Variants in CACNA2D3 observed in about 807,000 individuals in gnomAD.
CACNA2D3 encodes calcium voltage-gated channel auxiliary subunit alpha2delta 3.
CACNA2D3 carries 60 observed loss-of-function variants against 160.6 expected under a neutral mutation model. That is an observed-to-expected ratio of 0.37 (90% CI 0.30 to 0.46). The LOEUF is 0.46. Ranked by LOEUF, CACNA2D3 falls within the 20% of genes least tolerant of loss-of-function variation. CACNA2D3 has a pLI of 1.00. For missense variants in CACNA2D3, 1,205 were observed against 1,365.0 expected, an observed-to-expected ratio of 0.88 and a Z score of 1.85; for synonymous variants, 558 against 492.9, an observed-to-expected ratio of 1.13 and a Z score of -1.75.
chr3:54,672,957 G>A (rs756409454), intron 11 of CACNA2D3, among the ~76,000 whole-genome samples: 2 of 152,212 alleles, frequency 1.3e-5, no homozygotes, highest in African/African-American at 4.8e-5. Context: ...GTCCAAACAC[G>A]TGGAAGCCAG....
chr3:54,647,058 A>G (rs1370331470), intron 11 of CACNA2D3, among the ~76,000 whole-genome samples: 1 of 152,194 alleles, frequency 6.6e-6, no homozygotes, highest in African/African-American at 2.4e-5. Flanking sequence ...GCAAAAAGAA[A>G]TGAATTCTGC....
At chr3:54,303,350 G>A (rs888960175) in intron 2 of CACNA2D3, among the ~76,000 whole-genome samples, 6 of 152,242 alleles carry the variant, frequency 3.9e-5, no homozygotes, top group Admixed American at 1.3e-4. Context: ...TGTTGAAAGC[G>A]AAAATTTTCT....
chr3:54,421,455 T>C (rs1020915743), intron 4 of CACNA2D3, among the ~76,000 whole-genome samples: 3 of 152,070 alleles, frequency 2.0e-5, no homozygotes, highest in African/African-American at 7.2e-5. Context: ...TCTTTCAGCT[T>C]AATAGACTAA....
intron 3 of CACNA2D3, among the ~76,000 whole-genome samples, chr3:54,351,215 C>T (rs749475248): frequency 4.0e-5 from 6 of 151,760 alleles, no homozygotes; most frequent in Non-Finnish European, 4.4e-5. Context: ...CTCCTGACCT[C>T]GAGTGATCTG....
At chr3:54,928,317 A>G (rs1296472463) in intron 27 of CACNA2D3, among the ~76,000 whole-genome samples, 1 of 152,192 alleles carries the variant, frequency 6.6e-6, no homozygotes, top group African/African-American at 2.4e-5. Context: ...ATCTGCTTGA[A>G]GTACAGGGCA....
intron 2 of CACNA2D3, among the ~76,000 whole-genome samples, chr3:54,194,710 A>G (rs1701047026): frequency 6.6e-6 from 1 of 152,254 alleles, no homozygotes; most frequent in South Asian, 2.1e-4. Flanking sequence ...TGCGTTCCTC[A>G]TAGATGGCAC....
At chr3:54,882,897 G>A (rs887221662) in intron 21 of CACNA2D3, among the ~76,000 whole-genome samples, 11 of 152,164 alleles carry the variant, frequency 7.2e-5, no homozygotes, top group Non-Finnish European at 1.3e-4. Flanking sequence ...TTACAAAGGC[G>A]GCAAATAGGT....
intron 3 of CACNA2D3, among the ~76,000 whole-genome samples, chr3:54,357,101 C>G (rs1248072202): frequency 6.6e-6 from 1 of 152,106 alleles, no homozygotes; most frequent in East Asian, 1.9e-4. Flanking sequence ...GTGATGTGAT[C>G]AAGGTTATTG....
chr3:54,860,875 G>T (rs1699276117), intron 17 of CACNA2D3, among the ~76,000 whole-genome samples: 1 of 152,212 alleles, frequency 6.6e-6, no homozygotes, highest in Non-Finnish European at 1.5e-5. Context: ...CCTACTACAT[G>T]AGACTGTGAT....
At position 54,570,011 on chromosome 3, in the gene CACNA2D3, C is replaced by T. The variant is rs1702468689; in HGVS notation, c.795C>T (p.Gly265=). The T allele has an allele frequency of 1.2e-6, 2 of 1,613,882 alleles. No individual in the cohort carries two copies. Among genetic ancestry groups the T allele is most frequent in the East Asian group, 2.2e-5 (1 of 44,896 alleles). ...KDVVILVDVS[G]SMKGLRLTIA... ...TGGTCATTTTAGTTGACGTCAGTGG[C>T]AGCATGAAAGGACTCCGTCTGACTA... Residue 265 remains glycine (G), a synonymous_variant, in exon 8 of 38, where the codon GGC becomes GGT. Transcript: ENST00000474759.
At chr3:54,454,931 C>T (rs1039492377) in intron 4 of CACNA2D3, among the ~76,000 whole-genome samples, 5 of 152,046 alleles carry the variant, frequency 3.3e-5, no homozygotes, top group Admixed American at 6.6e-5. Flanking sequence ...GAATTTCTTT[C>T]TTATTTAAGG....
At chr3:55,069,034 C>T (rs1460526487) in intron 35 of CACNA2D3, among the ~76,000 whole-genome samples, 1 of 152,084 alleles carries the variant, frequency 6.6e-6, no homozygotes, top group Non-Finnish European at 1.5e-5. Context: ...TAAATTTTTA[C>T]CCATGTCCTA....
chr3:54,474,633 A>G (rs143835088), intron 4 of CACNA2D3, among the ~76,000 whole-genome samples: 4 of 152,188 alleles, frequency 2.6e-5, no homozygotes, highest in Middle Eastern at 3.4e-3. Context: ...AGCTTCATTA[A>G]AAAAGGAAGA....
intron 4 of CACNA2D3, among the ~76,000 whole-genome samples, chr3:54,483,733 G>T (rs1339886732): frequency 2.0e-5 from 3 of 152,124 alleles, no homozygotes; most frequent in Non-Finnish European, 4.4e-5. Context: ...AACCCATAAG[G>T]AATGTCATTG....
intron 31 of CACNA2D3, among the ~76,000 whole-genome samples, chr3:54,991,177 C>T (rs1456647322): frequency 1.3e-5 from 2 of 151,564 alleles, no homozygotes; most frequent in African/African-American, 4.9e-5. Context: ...TTGCAGGGCC[C>T]AGTGCAAAAT....
At chr3:54,508,956 C>T (rs746294644) in intron 5 of CACNA2D3, among the ~76,000 whole-genome samples, 2 of 152,216 alleles carry the variant, frequency 1.3e-5, no homozygotes, top group Non-Finnish European at 2.9e-5. Context: ...GATGAGATGG[C>T]ATTGGGTCCC....
intron 4 of CACNA2D3, among the ~76,000 whole-genome samples, chr3:54,483,902 T>C (rs1357940206): frequency 6.6e-6 from 1 of 152,226 alleles, no homozygotes; most frequent in Non-Finnish European, 1.5e-5. Context: ...AATGACTGCT[T>C]TTCTATAAGA....
intron 17 of CACNA2D3, among the ~76,000 whole-genome samples, chr3:54,847,647 T>C (rs919210520): frequency 3.3e-5 from 5 of 152,234 alleles, no homozygotes; most frequent in African/African-American, 1.2e-4. Context: ...TATGGTAATA[T>C]TCAATTTCAA....
chr3:54,307,288 G>A (rs1273780373), intron 2 of CACNA2D3, among the ~76,000 whole-genome samples: 3 of 152,092 alleles, frequency 2.0e-5, no homozygotes, highest in East Asian at 3.9e-4. Context: ...TGATGTCTTC[G>A]CATCTCAGCG....
Sources: allele counts gnomAD v4.1 joint callset (sites outside exome capture counted in the v4.1 genomes callset), GRCh38; gene constraint gnomAD v4.1.1; transcripts MANE v1.5; gene names NCBI Gene and HGNC (gene_info 2026-07-23, HGNC 2026-07-21).